Variants in IL1F10 observed in about 807,000 individuals in gnomAD.
IL1F10 encodes interleukin 1 family member 10.
A neutral mutation model predicts 13.1 loss-of-function variants in IL1F10; 13 were observed. The observed-to-expected ratio is 0.99, with a 90% CI of 0.64 to 1.57. The LOEUF is 1.57. Among genes scored for constraint, IL1F10 ranks in the 40% most tolerant of loss-of-function variants. The pLI, the probability that IL1F10 is intolerant of heterozygous loss-of-function variation, is 0.00. For missense variants in IL1F10, 191 were observed against 184.1 expected (o/e 1.04, Z -0.22); for synonymous variants, 78 against 68.2 (o/e 1.14, Z -0.71).
At chr2:113,069,718 G>A (rs1223641071) in intron 1 of IL1F10, among the ~76,000 whole-genome samples, 1 of 152,198 alleles carries the variant, frequency 6.6e-6, no homozygotes, top group African/African-American at 2.4e-5. Flanking sequence ...AATCATTGCA[G>A]CTGTAGAAGT....
At position 113,075,054 on chromosome 2, in the gene IL1F10, G is replaced by A. The variant is rs1685912550; in HGVS notation, c.247-98G>A. 9 of 1,298,378 alleles carry A rather than the reference G, an allele frequency of 6.9e-6. No individual in the cohort carries two copies. In the Admixed American group the frequency reaches 1.9e-4, roughly 27 times the overall value. 80.4% of individuals were successfully genotyped at this position (1,298,378 alleles called of 1,614,324 possible). ...AAGGCAGTCCCTTGGGTAAAAACCA[G>A]CCCTGTCAGGTCCTTTTTTGGCCAA... On this transcript the variant is annotated intron_variant, in intron 4 of 4. Coordinates refer to ENST00000341010, the MANE Select transcript of IL1F10 (RefSeq NM_173161.3).
At chr2:113,072,005 G>A (rs778438882) in intron 1 of IL1F10, among the ~76,000 whole-genome samples, 27 of 152,158 alleles carry the variant, frequency 1.8e-4, no homozygotes, top group Non-Finnish European at 2.8e-4. Context: ...CTCTAGGACA[G>A]GATAACCCAT....
At position 113,075,133 on chromosome 2, in the gene IL1F10, A is replaced by C; in HGVS notation, c.247-19A>C. ...CCATCAGCACTCTCATTCTGCAGCC[A>C]TCCACCTTGCCCCCACAGGATGTGA... On this transcript the variant is annotated intron_variant, in intron 4 of 4. Transcript: ENST00000341010. 1.3e-6 allele frequency: 2 copies of C among 1,584,412 alleles called. No homozygotes were observed. The highest frequency in any genetic ancestry group is 8.6e-7 in the Non-Finnish European group (1 of 1,162,096).
At position 113,075,557 on chromosome 2, in the gene IL1F10, A is replaced by G; in HGVS notation, c.*193A>G. 1 of 403,714 alleles carries G rather than the reference A, an allele frequency of 2.5e-6. No individual in the cohort carries two copies. The highest frequency in any genetic ancestry group is 4.4e-6 in the Non-Finnish European group (1 of 228,944). The allele number at this position is 403,714 out of a possible 1,614,324, so 25.0% of individuals were successfully genotyped here. A position where few individuals can be genotyped will look rare whatever the true frequency, so the allele number is the denominator to read the frequency against. On this transcript the variant is annotated 3_prime_UTR_variant, in exon 5 of 5. Coordinates refer to ENST00000341010, the MANE Select transcript of IL1F10 (RefSeq NM_173161.3). ...TTAAGGATCTTGAAATGAGGAGACAATCCTGGGTTATCCTTGTGGGCTCAG... is the reference window on the plus strand; with the variant it reads ...TTAAGGATCTTGAAATGAGGAGACAGTCCTGGGTTATCCTTGTGGGCTCAG...
At chr2:113,074,911 C>T (rs1487393282) in intron 4 of IL1F10, 61 bp downstream of exon 4, 1 of 1,574,590 alleles carries the variant, frequency 6.4e-7, no homozygotes, top group Non-Finnish European at 8.6e-7. Context: ...CTGGGATGCT[C>T]TGGCATCTTT....
At position 113,072,759 on chromosome 2, in the gene IL1F10, A is replaced by G. The variant is rs1167177063; in HGVS notation, c.21A>G (p.Ala7=). 3.7e-6 allele frequency: 6 copies of G among 1,613,280 alleles called. No homozygotes were observed. Among genetic ancestry groups the G allele is most frequent in the African/African-American group, 1.3e-5 (1 of 74,900 alleles). MCSLPM[A]RYYIIKYADQ... ...CAGGAATGTGTTCCCTCCCCATGGC[A>G]AGATACTACATGTAAGTTGTCCTGG... Residue 7 remains alanine (A), a synonymous_variant, in exon 2 of 5, where the codon GCA becomes GCG. Transcript: ENST00000341010.
chr2:113,068,261 A>G lies in IL1F10; in HGVS notation c.-29+245A>G, dbSNP rs796893993. 7.9e-5 allele frequency among the ~76,000 whole-genome samples: 12 copies of G among 152,324 alleles called. 1 individual carries two copies. The highest frequency in any genetic ancestry group is 2.9e-4 in the African/African-American group (12 of 41,580). ...AACTACTTAGAACAACTGACTTTAG[A>G]AAGTAATCTCAAAAGAAACCATCTG... On this transcript the variant is annotated intron_variant, in intron 1 of 4. Transcript: ENST00000341010.
chr2:113,075,125 C>T (rs1374615257), intron 4 of IL1F10, 27 bp from the exon 5 acceptor site: 1 of 1,572,090 alleles, frequency 6.4e-7, no homozygotes, highest in Non-Finnish European at 8.7e-7. Flanking sequence ...CACTCTCATT[C>T]TGCAGCCATC....
In IL1F10 at chr2:113,074,869, T is replaced by C. The variant is rs200951358; in HGVS notation, c.246+19T>C. ...GCTGGAGGTGAGAGGCCTCTCCCCA[T>C]TCTAGGGGACACTGCAGACCTGGCC... On this transcript the variant is annotated intron_variant, in intron 4 of 4. Transcript: ENST00000341010. 1.7e-4 allele frequency: 266 copies of C among 1,609,638 alleles called. 1 individual carries two copies. The highest frequency in any genetic ancestry group is 5.7e-5 in the Non-Finnish European group (67 of 1,178,532).
intron 4 of IL1F10, 96 bp from the exon 5 acceptor site, chr2:113,075,056 C>T: frequency 1.5e-6 from 2 of 1,298,412 alleles, no homozygotes; most frequent in African/African-American, 1.5e-5. Flanking sequence ...AAAAACCAGC[C>T]CTGTCAGGTC....
chr2:113,074,665 A>G, intron 3 of IL1F10, 58 bp from the exon 4 acceptor site: 1 of 1,606,246 alleles, frequency 6.2e-7, no homozygotes, highest in Non-Finnish European at 8.5e-7. Context: ...TTTACCTGCC[A>G]AGAGCCTGCA....
chr2:113,074,713 T>G lies in IL1F10; in HGVS notation c.119-10T>G. ...CTTGTCCCTTGACTCTTCTCTCTCT[T>G]CCCTCCTAGAGAAGATCTGCATACT... On this transcript the variant is annotated splice_polypyrimidine_tract_variant and intron_variant, in intron 3 of 4. Coordinates refer to ENST00000341010, the MANE Select transcript of IL1F10 (RefSeq NM_173161.3). The G allele has an allele frequency of 6.8e-6, 11 of 1,613,158 alleles. No individual in the cohort carries two copies. The highest frequency in any genetic ancestry group is 7.6e-6 in the Non-Finnish European group (9 of 1,179,188).
intron 2 of IL1F10, 126 bp from the exon 3 acceptor site, chr2:113,074,203 C>T (rs1366735683): frequency 8.9e-6 from 6 of 671,248 alleles, no homozygotes; most frequent in Non-Finnish European, 1.6e-5. Flanking sequence ...TCCCCTCTTA[C>T]CACCTGTGAA....
intron 1 of IL1F10, among the ~76,000 whole-genome samples, chr2:113,070,088 T>C (rs926945664): frequency 6.6e-6 from 1 of 152,026 alleles, no homozygotes; most frequent in Admixed American, 6.5e-5. Flanking sequence ...GAGAGCCAGA[T>C]GCCATGTCCA....
Position 113,075,154 on chromosome 2 carries a change from T to A in IL1F10, c.249T>A (p.Asp83Glu). ...TEEGPSLQLE[D>E]VNIEELYKGG... ...AGCCATCCACCTTGCCCCCACAGGA[T>A]GTGAACATTGAGGAACTGTACAAAG... The change falls in exon 5 of 5, where the codon GAT (aspartate) becomes GAA (glutamate). Residue 83 changes from aspartate (D) to glutamate (E), a missense_variant and splice_region_variant. Coordinates refer to ENST00000341010, the MANE Select transcript of IL1F10 (RefSeq NM_173161.3). 6.2e-7 allele frequency: 1 copy of A among 1,601,792 alleles called. No individual in the cohort carries two copies. The highest frequency in any genetic ancestry group is 1.3e-5 in the African/African-American group (1 of 74,862).
chr2:113,070,970 C>A (rs1293270631), intron 1 of IL1F10, among the ~76,000 whole-genome samples: 1 of 152,172 alleles, frequency 6.6e-6, no homozygotes, highest in East Asian at 1.9e-4. Context: ...TGCAGATGGG[C>A]AGGCACATTT....
chr2:113,074,994 C>T, intron 4 of IL1F10, 144 bp downstream of exon 4: 1 of 1,237,162 alleles, frequency 8.1e-7, no homozygotes, highest in East Asian at 2.3e-5. Context: ...CCCTCTGCAC[C>T]TAGCACCAAG....
intron 3 of IL1F10, 84 bp downstream of exon 3, chr2:113,074,498 C>G: frequency 3.4e-6 from 4 of 1,188,798 alleles, no homozygotes; most frequent in Non-Finnish European, 5.0e-6. Context: ...AGCAGAGGGT[C>G]AGCAGCTGCC....
At chr2:113,074,265 G>T in intron 2 of IL1F10, 64 bp from the exon 3 acceptor site, 1 of 1,031,912 alleles carries the variant, frequency 9.7e-7, no homozygotes, top group Non-Finnish European at 1.5e-6. Flanking sequence ...CATGGAAGTG[G>T]AAGGGCTTGG....
Sources: allele counts gnomAD v4.1 joint callset (sites outside exome capture counted in the v4.1 genomes callset), GRCh38; gene constraint gnomAD v4.1.1; transcripts MANE v1.5; gene names NCBI Gene and HGNC (gene_info 2026-07-23, HGNC 2026-07-21).